Variants in NPFFR2 observed in about 807,000 individuals in gnomAD.
The protein encoded by NPFFR2 is G-protein coupled receptor 74.
NPFFR2 carries 15 observed loss-of-function variants against 13.1 expected under a neutral mutation model. The observed-to-expected ratio is 1.15, with a 90% CI of 0.77 to 1.76. The LOEUF (loss-of-function observed/expected upper bound fraction) is 1.76. Among genes scored for constraint, NPFFR2 ranks in the 40% most tolerant of loss-of-function variants. NPFFR2 has a pLI of 0.00. For synonymous variants in NPFFR2, 190 were observed against 175.7 expected (o/e 1.08, Z -0.65); for missense variants, 572 against 503.5 (o/e 1.14, Z -1.30).
Position 72,082,969 on chromosome 4 carries a change from C to T in NPFFR2, c.-7-45616C>T, listed in dbSNP as rs114199756. 8.2e-3 allele frequency among the ~76,000 whole-genome samples: 1,249 copies of T among 152,054 alleles called. 9 individuals carry two copies. The highest frequency in any genetic ancestry group is 0.017 in the African/African-American group (710 of 41,458). On this transcript the variant is annotated intron_variant, in intron 1 of 3. Coordinates refer to ENST00000308744, the MANE Select transcript of NPFFR2 (RefSeq NM_004885.3). ...ACATAATGTCCTTTAGGTTCATCTG[C>T]GTTGTTGCAAATAACAGGATTTTCT... is the stretch of plus-strand genomic sequence containing the variant.
At chr4:72,097,967 A>C in intron 1 of NPFFR2, among the ~76,000 whole-genome samples, 1 of 17,612 alleles carries the variant, frequency 5.7e-5, no homozygotes, top group Non-Finnish European at 3.7e-4. Context: ...TATTCTTCCT[A>C]CACCACAAAT....
chr4:72,068,637 C>T (rs560364340), intron 1 of NPFFR2, among the ~76,000 whole-genome samples: 6 of 152,000 alleles, frequency 3.9e-5, no homozygotes, highest in East Asian at 3.9e-4. Flanking sequence ...TCAGTAAATA[C>T]GGTTGAATGA....
chr4:72,045,575 C>A (rs1719353406), intron 1 of NPFFR2, among the ~76,000 whole-genome samples: 1 of 152,150 alleles, frequency 6.6e-6, no homozygotes, highest in Non-Finnish European at 1.5e-5. Context: ...TTGCAATTCC[C>A]AAATGCATTT....
intron 1 of NPFFR2, among the ~76,000 whole-genome samples, chr4:72,125,490 G>A (rs1722012969): frequency 6.6e-6 from 1 of 152,200 alleles, no homozygotes; most frequent in African/African-American, 2.4e-5. Context: ...GTCACACTTA[G>A]TGTCTAAAAT....
intron 1 of NPFFR2, among the ~76,000 whole-genome samples, chr4:72,052,624 A>G (rs946571632): frequency 6.6e-6 from 1 of 151,872 alleles, no homozygotes; most frequent in Non-Finnish European, 1.5e-5. Flanking sequence ...CTATTCTTTG[A>G]GATATTTTGA....
intron 1 of NPFFR2, among the ~76,000 whole-genome samples, chr4:72,089,836 CTATT>C (rs1338874957): frequency 6.6e-6 from 1 of 151,944 alleles, no homozygotes; most frequent in Non-Finnish European, 1.5e-5. Context: ...TAAGTCCTAT[CTATT>C]TATCTTTGTT....
At chr4:72,108,319 A>C (rs918327647) in intron 1 of NPFFR2, among the ~76,000 whole-genome samples, 8 of 152,046 alleles carry the variant, frequency 5.3e-5, no homozygotes, top group African/African-American at 1.9e-4. Flanking sequence ...AAATATCATT[A>C]GTCTACCTTG....
chr4:72,112,565 C>G (rs1020586238), intron 1 of NPFFR2, among the ~76,000 whole-genome samples: 32 of 152,008 alleles, frequency 2.1e-4, no homozygotes, highest in African/African-American at 6.3e-4. Context: ...CAAAGTAGCA[C>G]GTGTTTCATT....
chr4:72,125,871 C>T (rs950560695), intron 1 of NPFFR2, among the ~76,000 whole-genome samples: 11 of 152,142 alleles, frequency 7.2e-5, no homozygotes, highest in African/African-American at 2.7e-4. Context: ...TGTAACCTAA[C>T]CTATTCAGAA....
chr4:72,114,088 A>T (rs1721645181), intron 1 of NPFFR2, among the ~76,000 whole-genome samples: 1 of 152,080 alleles, frequency 6.6e-6, no homozygotes. Flanking sequence ...AGGAGATTAT[A>T]TTGGGTCACT....
intron 1 of NPFFR2, among the ~76,000 whole-genome samples, chr4:72,104,532 T>C (rs1721358733): frequency 6.6e-6 from 1 of 152,028 alleles, no homozygotes; most frequent in South Asian, 2.1e-4. Context: ...TCCACTAACA[T>C]TGTTCAAGAG....
At chr4:72,039,446 G>T in intron 1 of NPFFR2, 1 of 946,650 alleles carries the variant, frequency 1.1e-6, no homozygotes, top group Non-Finnish European at 1.3e-6. Context: ...TATTATGTTA[G>T]ATTTTTCTCT....
intron 2 of NPFFR2, among the ~76,000 whole-genome samples, chr4:72,137,705 TA>T (rs1722460074): frequency 6.6e-6 from 1 of 152,176 alleles, no homozygotes; most frequent in South Asian, 2.1e-4. Flanking sequence ...CGTGGCAAAG[TA>T]TGTAATATTT....
intron 1 of NPFFR2, among the ~76,000 whole-genome samples, chr4:72,116,580 TAAAAAA>T (rs1721719847): frequency 6.6e-6 from 1 of 151,786 alleles, no homozygotes; most frequent in East Asian, 1.9e-4. Flanking sequence ...AAGTTGAAGT[TAAAAAA>T]GAAAAAAATA....
At chr4:72,034,416 C>T (rs960346871) in intron 1 of NPFFR2, among the ~76,000 whole-genome samples, 3 of 152,026 alleles carry the variant, frequency 2.0e-5, no homozygotes. Context: ...GGGAAAAGCC[C>T]CCTATAAAAC....
At chr4:72,064,418 C>G (rs938704861) in intron 1 of NPFFR2, among the ~76,000 whole-genome samples, 11 of 152,210 alleles carry the variant, frequency 7.2e-5, no homozygotes, top group African/African-American at 2.7e-4. Flanking sequence ...GTAGGCAGTT[C>G]TCAACTTCTC....
intron 1 of NPFFR2, among the ~76,000 whole-genome samples, chr4:72,123,831 G>A (rs202151508): frequency 6.6e-6 from 1 of 152,162 alleles, no homozygotes; most frequent in Non-Finnish European, 1.5e-5. Flanking sequence ...AAAACTGGAA[G>A]CATTGCCTTT....
At chr4:72,116,279 G>C (rs1482334874) in intron 1 of NPFFR2, among the ~76,000 whole-genome samples, 2 of 151,976 alleles carry the variant, frequency 1.3e-5, no homozygotes, top group African/African-American at 4.8e-5. Flanking sequence ...CTATTAAGTA[G>C]AATTCCACTG....
chr4:72,100,703 T>A (rs997841695), intron 1 of NPFFR2, among the ~76,000 whole-genome samples: 1 of 152,062 alleles, frequency 6.6e-6, no homozygotes, highest in Non-Finnish European at 1.5e-5. Flanking sequence ...TGGCAAATAG[T>A]TTCCCTGTTA....
Sources: gnomAD v4.1 joint callset for allele counts (sites outside exome capture counted in the v4.1 genomes callset) on GRCh38, gnomAD v4.1.1 for gene constraint, MANE v1.5 for transcripts, NCBI Gene and HGNC (gene_info 2026-07-23, HGNC 2026-07-21) for gene names.